Variants in CEP104 observed in about 807,000 individuals in gnomAD.
The protein encoded by CEP104 is centrosomal protein of 104 kDa.
A neutral mutation model predicts 113.3 loss-of-function variants in CEP104; 84 were observed. The observed-to-expected ratio is 0.74, with a 90% CI of 0.62 to 0.89. The LOEUF (loss-of-function observed/expected upper bound fraction) is 0.89. CEP104 is among the 40% of genes least tolerant of loss of function. The pLI is 0.00. For synonymous variants in CEP104, 378 were observed against 421.7 expected (o/e 0.90, Z 1.27); for missense variants, 1,053 against 1,156.6 (o/e 0.91, Z 1.30).
In CEP104 at chr1:3,830,177, T is replaced by C. The variant is rs566739218; in HGVS notation, c.1837-180A>G. Among the ~76,000 whole-genome samples, 4 of 152,312 alleles carry C rather than the reference T, an allele frequency of 2.6e-5. No homozygotes were observed. The East Asian group carries it at 7.7e-4, about 29-fold the overall frequency. On this transcript the variant is annotated intron_variant, in intron 13 of 21. Coordinates refer to ENST00000378230, the MANE Select transcript of CEP104 (RefSeq NM_014704.4). ...TACCGTCTCATCGTAAGCCGTGTTA[T>C]ACTTTCATCACGCTTGTTTTGGATC... is the stretch of plus-strand genomic sequence containing the variant.
chr1:3,816,369 G>C lies in CEP104; in HGVS notation c.2573C>G (p.Ala858Gly), dbSNP rs1643880751. The C allele has an allele frequency of 6.4e-7, 1 of 1,550,458 alleles. No individual in the cohort carries two copies. The highest frequency in any genetic ancestry group is 8.7e-7 in the Non-Finnish European group (1 of 1,146,862). ...CHENFSPGEEAWKAHLMGPAG... is the reference protein window; with the variant it reads ...CHENFSPGEEGWKAHLMGPAG... ...TGGGCCCATCAGGTGAGCTTTCCAT[G>C]CCTGCAGCAGAGGAGGCACACAGAG... The change falls in exon 21 of 22, where the codon GCA becomes GGA. Residue 858 changes from alanine to glycine, a missense_variant and splice_region_variant. By Grantham distance (60) the Ala-to-Gly change is moderately conservative. Transcript: ENST00000378230.
In CEP104 at chr1:3,823,225, C is replaced by T; in HGVS notation, c.2520G>A (p.Lys840=). 6.2e-7 allele frequency: 1 copy of T among 1,614,176 alleles called. No homozygotes were observed. Among genetic ancestry groups the T allele is most frequent in the Non-Finnish European group, 8.5e-7 (1 of 1,180,000 alleles). Residue 840 remains lysine, a synonymous_variant, in exon 20 of 22, where the codon AAG becomes AAA. Coordinates refer to ENST00000378230, the MANE Select transcript of CEP104 (RefSeq NM_014704.4). The surrounding 1 kb of genome is among the most constrained non-coding windows in gnomAD (Gnocchi z 4.1). ...HKDCNPAKPE[K]LANRCPLCHE... The stretch of plus-strand genomic sequence containing the variant: ...GACACAGGGGACACCGGTTTGCCAG[C>T]TTCTCCGGTTTGGCAGCTGAAATGA...
At chr1:3,822,344 T>G (rs1303236150) in intron 20 of CEP104, among the ~76,000 whole-genome samples, 3 of 152,184 alleles carry the variant, frequency 2.0e-5, no homozygotes, top group African/African-American at 4.8e-5. Context: ...GTGAGTTTTC[T>G]GGGGTCAAGA....
chr1:3,843,733 C>A (rs1036744003), intron 6 of CEP104, among the ~76,000 whole-genome samples: 2 of 151,218 alleles, frequency 1.3e-5, no homozygotes, highest in African/African-American at 4.9e-5. Context: ...ATATTTTTAA[C>A]GGGTAGAGAG....
intron 18 of CEP104, among the ~76,000 whole-genome samples, chr1:3,824,277 G>A (rs1644040497): frequency 6.6e-6 from 1 of 152,128 alleles, no homozygotes; most frequent in African/African-American, 2.4e-5. Flanking sequence ...GTAGAGACGG[G>A]GTTTCTCCGT....
chr1:3,841,751 C>T (rs1327351787), intron 6 of CEP104, among the ~76,000 whole-genome samples: 3 of 152,202 alleles, frequency 2.0e-5, no homozygotes, highest in Non-Finnish European at 4.4e-5. Context: ...GACAGGCAAA[C>T]CACAGCCTGC....
chr1:3,843,688 T>A (rs1644455321), intron 6 of CEP104, among the ~76,000 whole-genome samples: 1 of 146,548 alleles, frequency 6.8e-6, no homozygotes, highest in South Asian at 2.1e-4. Flanking sequence ...CCCATACCCA[T>A]TTTTTTTTTT....
chr1:3,815,342 G>A lies in CEP104; in HGVS notation c.*60C>T. ...CAAGGCCAGAGAGTTCTGGAGAGAT[G>A]GTGTAGAATCAGGAGACCCGCTCCA... On this transcript the variant is annotated 3_prime_UTR_variant, in exon 22 of 22. Coordinates refer to ENST00000378230, the MANE Select transcript of CEP104 (RefSeq NM_014704.4). 7.9e-7 allele frequency: 1 copy of A among 1,258,658 alleles called. No individual in the cohort carries two copies. The highest frequency in any genetic ancestry group is 1.1e-6 in the Non-Finnish European group (1 of 887,160). 78.0% of individuals were successfully genotyped at this position (1,258,658 alleles called of 1,614,324 possible).
In CEP104 at chr1:3,815,233, C is replaced by T. The variant is rs1045004741; in HGVS notation, c.*169G>A. On this transcript the variant is annotated 3_prime_UTR_variant, in exon 22 of 22. Coordinates refer to ENST00000378230, the MANE Select transcript of CEP104 (RefSeq NM_014704.4). The stretch of plus-strand genomic sequence containing the variant: ...GATCTTTGGTTAGCTGCATCCATAT[C>T]GTTTGCACGAGAGCTGACGGCACAG... 13 of 605,606 alleles carry T rather than the reference C, an allele frequency of 2.1e-5. No individual in the cohort carries two copies. The highest frequency in any genetic ancestry group is 5.6e-5 in the Admixed American group (2 of 36,006). 37.5% of individuals were successfully genotyped at this position (605,606 alleles called of 1,614,324 possible).
intron 17 of CEP104, 77 bp downstream of exon 17, chr1:3,826,293 C>A: frequency 7.9e-7 from 1 of 1,265,300 alleles, no homozygotes; most frequent in South Asian, 1.2e-5. Flanking sequence ...CTAGGGAGGA[C>A]GCATTCCCTT....
intron 18 of CEP104, among the ~76,000 whole-genome samples, chr1:3,825,266 A>G (rs1375844402): frequency 5.9e-5 from 9 of 152,178 alleles, no homozygotes; most frequent in African/African-American, 1.9e-4. Context: ...CAATCCCACA[A>G]CACATTGTGA....
rs2124683090 is a variant in CEP104, at chr1:3,843,102, A to G, written c.566+1805T>C. On this transcript the variant is annotated intron_variant, in intron 6 of 21. Coordinates refer to ENST00000378230, the MANE Select transcript of CEP104 (RefSeq NM_014704.4). ...AACGCTCAGCCTAAAAAACATTTCA[A>G]TTCCTCTTTTTTTCTCACTGCGGCA... The G allele has an allele frequency of 9.9e-6, 6 of 607,794 alleles. No homozygotes were observed. In the South Asian group the frequency reaches 1.1e-4, roughly 11 times the overall value. 37.7% of individuals were successfully genotyped at this position (607,794 alleles called of 1,614,324 possible).
At chr1:3,837,567 A>G in intron 8 of CEP104, 48 bp from the exon 9 acceptor site, 1 of 1,449,152 alleles carries the variant, frequency 6.9e-7, no homozygotes, top group South Asian at 1.2e-5. Flanking sequence ...CTGCCACGCC[A>G]GATATATCTA....
chr1:3,845,120 G>A (rs1013686333), intron 5 of CEP104, 137 bp from the exon 6 acceptor site: 5 of 883,430 alleles, frequency 5.7e-6, no homozygotes, highest in South Asian at 1.6e-5. Flanking sequence ...AGCTAAAACT[G>A]TTAAAGAAAA....
chr1:3,820,491 C>T (rs1276577033), intron 20 of CEP104, among the ~76,000 whole-genome samples: 1 of 151,910 alleles, frequency 6.6e-6, no homozygotes, highest in Non-Finnish European at 1.5e-5. Flanking sequence ...CGGGGCAGGA[C>T]GGCGCCTCTG....
intron 8 of CEP104, 114 bp downstream of exon 8, chr1:3,838,850 C>G (rs543920196): frequency 8.6e-7 from 1 of 1,163,364 alleles, no homozygotes; most frequent in African/African-American, 1.5e-5. Flanking sequence ...CCCCTGAGCA[C>G]TGCAGAGTGT....
intron 12 of CEP104, 54 bp downstream of exon 12, chr1:3,833,808 C>T: frequency 6.5e-7 from 1 of 1,546,262 alleles, no homozygotes; most frequent in Non-Finnish European, 8.9e-7. Context: ...AGCCAGAGAG[C>T]TACAGGAATA....
intron 8 of CEP104, among the ~76,000 whole-genome samples, chr1:3,838,632 C>T (rs1447911160): frequency 6.6e-6 from 1 of 152,200 alleles, no homozygotes; most frequent in African/African-American, 2.4e-5. Flanking sequence ...CCTTACAACA[C>T]TGAGGGGTCA....
chr1:3,815,447 C>G lies in CEP104; in HGVS notation c.2733G>C (p.Lys911Asn), dbSNP rs776537838. The change falls in exon 22 of 22, where the codon AAG (lysine) becomes AAC (asparagine). Residue 911 changes from lysine (K) to asparagine (N), a missense_variant. Coordinates refer to ENST00000378230, the MANE Select transcript of CEP104 (RefSeq NM_014704.4). Reference protein sequence around the residue: ...SKAGSKIPTPKGGLSKSSSRT... With the variant: ...SKAGSKIPTPNGGLSKSSSRT... ...TGCTGGAGCTCTTGCTCAGTCCGCC[C>G]TTCGGGGTGGGGATCTTGCTTCCGG... 6.2e-7 allele frequency: 1 copy of G among 1,613,310 alleles called. No individual in the cohort carries two copies. The highest frequency in any genetic ancestry group is 8.5e-7 in the Non-Finnish European group (1 of 1,179,908).
Sources: allele counts gnomAD v4.1 joint callset (sites outside exome capture counted in the v4.1 genomes callset), GRCh38; gene constraint gnomAD v4.1.1; non-coding constraint Gnocchi (gnomAD v3.1); transcripts MANE v1.5; gene names NCBI Gene and HGNC (gene_info 2026-07-23, HGNC 2026-07-21).